Variants in RGS7 observed in about 807,000 individuals in gnomAD.
RGS7 encodes regulator of G protein signaling 7.
A neutral mutation model predicts 81.1 loss-of-function variants in RGS7; 27 were observed. The ratio of observed to expected loss-of-function variants is 0.33; its 90% confidence interval spans 0.25 to 0.46. The LOEUF (loss-of-function observed/expected upper bound fraction) is 0.46. Ranked by LOEUF, RGS7 falls within the 20% of genes least tolerant of loss-of-function variation. RGS7 has a pLI of 1.00. For synonymous variants in RGS7, 208 were observed against 207.7 expected (o/e 1.00, Z -0.01); for missense variants, 396 against 607.4 (o/e 0.65, Z 3.66).
rs185393375 is a variant in RGS7, at chr1:241,124,839, C to G, written c.79-26077G>C. ...TAGTGATAGGACACTGTAGGCGCTG[C>G]AGGTAGGCAGAGGCAAAAGCCAGCG... On this transcript the variant is annotated intron_variant, in intron 2 of 18. Transcript: ENST00000440928. Among the ~76,000 whole-genome samples the G allele has an allele frequency of 2.9e-3, 449 of 152,292 alleles. 6 individuals are homozygous for G. Among genetic ancestry groups the G allele is most frequent in the African/African-American group, 0.01 (429 of 41,566 alleles).
chr1:240,897,279 C>A (rs1669247054), intron 6 of RGS7, among the ~76,000 whole-genome samples: 1 of 152,290 alleles, frequency 6.6e-6, no homozygotes, highest in South Asian at 2.1e-4. Context: ...TTATTTCTTT[C>A]TCCTGCCTGA....
At chr1:240,793,611 A>ATATATATATATATATATATATATT in intron 18 of RGS7, among the ~76,000 whole-genome samples, 29 of 78,792 alleles carry the variant, frequency 3.7e-4, no homozygotes, top group Admixed American at 4.4e-4. Context: ...ATATATATAT[A>ATATATATATATATATATATATATT]TTTTTTTTTT....
At chr1:241,250,525 G>A (rs1306132980) in intron 2 of RGS7, among the ~76,000 whole-genome samples, 1 of 151,916 alleles carries the variant, frequency 6.6e-6, no homozygotes, top group East Asian at 1.9e-4. Context: ...TAAAATGTGA[G>A]AATAAATGTT....
chr1:241,055,837 C>T (rs946754339), intron 3 of RGS7, among the ~76,000 whole-genome samples: 8 of 152,190 alleles, frequency 5.3e-5, no homozygotes, highest in African/African-American at 1.9e-4. Context: ...CAGGAGCCCC[C>T]AGCCACCAGT....
rs1308799919 is a variant in RGS7, at chr1:240,930,778, GA to G, written c.334-11del. The G allele has an allele frequency of 1.2e-6, 2 of 1,613,644 alleles. No homozygotes were observed. Among genetic ancestry groups the G allele is most frequent in the South Asian group, 2.2e-5 (2 of 91,070 alleles). On this transcript the variant is annotated splice_polypyrimidine_tract_variant and intron_variant, in intron 5 of 18. Coordinates refer to ENST00000440928, the MANE Select transcript of RGS7 (RefSeq NM_001364886.1). ...GCCAAAAATAGGGGGTCTGCGGAAT[GA>G]AAAGAAGTGGAACCCAGATTAGACA... is the stretch of plus-strand genomic sequence containing the variant.
At chr1:241,052,183 T>C (rs1334290062) in intron 3 of RGS7, among the ~76,000 whole-genome samples, 1 of 152,118 alleles carries the variant, frequency 6.6e-6, no homozygotes, top group African/African-American at 2.4e-5. Flanking sequence ...AAAATGCCCA[T>C]GCCCTTCAGA....
chr1:240,951,613 A>C (rs374021251), intron 4 of RGS7, among the ~76,000 whole-genome samples: 90 of 152,302 alleles, frequency 5.9e-4, no homozygotes, highest in South Asian at 4.1e-3. Context: ...AAAAATAACA[A>C]GGAAAACAAA....
chr1:241,081,993 C>A (rs907754402), intron 3 of RGS7, among the ~76,000 whole-genome samples: 62 of 152,152 alleles, frequency 4.1e-4, no homozygotes, highest in African/African-American at 1.4e-3. Context: ...TCAATCAACA[C>A]AGTTGGTAGT....
At chr1:240,856,256 CCT>C (rs1558360958) in intron 9 of RGS7, among the ~76,000 whole-genome samples, 1 of 152,120 alleles carries the variant, frequency 6.6e-6, no homozygotes. Flanking sequence ...TCAACGTAAA[CCT>C]CTGTTTCAAA....
At chr1:241,071,387 A>G (rs2062431401) in intron 3 of RGS7, among the ~76,000 whole-genome samples, 1 of 152,212 alleles carries the variant, frequency 6.6e-6, no homozygotes, top group Admixed American at 6.5e-5. Context: ...AAAAAAATGT[A>G]GAATCTGGTT....
intron 9 of RGS7, among the ~76,000 whole-genome samples, chr1:240,827,663 G>A (rs896820238): frequency 1.8e-4 from 28 of 151,986 alleles, no homozygotes; most frequent in African/African-American, 5.8e-4. Flanking sequence ...AGGAGTTCGA[G>A]ACCAGCCTGA....
intron 3 of RGS7, among the ~76,000 whole-genome samples, chr1:241,082,351 GGAAAA>G (rs1348489208): frequency 6.6e-6 from 1 of 152,114 alleles, no homozygotes; most frequent in Non-Finnish European, 1.5e-5. Context: ...CAGCTATCTA[GGAAAA>G]GAAAACAGTC....
chr1:241,096,153 G>A (rs1474303117), intron 3 of RGS7, among the ~76,000 whole-genome samples: 3 of 152,134 alleles, frequency 2.0e-5, no homozygotes, highest in Admixed American at 6.6e-5. Flanking sequence ...CGGATTCCTT[G>A]TTTCATTAGA....
chr1:240,906,303 T>C (rs1234376282), intron 6 of RGS7, among the ~76,000 whole-genome samples: 1 of 152,094 alleles, frequency 6.6e-6, no homozygotes, highest in African/African-American at 2.4e-5. Flanking sequence ...GCACCAGCCT[T>C]TGAGCAGGAT....
downstream of RGS7, among the ~76,000 whole-genome samples, chr1:240,775,321 G>A (rs6700378): frequency 0.17 from 26,196 of 152,120 alleles, 3,033 homozygotes; most frequent in African/African-American, 0.33. Flanking sequence ...GGAGAAAAAG[G>A]ATTACTAAGT....
At chr1:240,853,595 A>G (rs1265202352) in intron 9 of RGS7, among the ~76,000 whole-genome samples, 1 of 152,102 alleles carries the variant, frequency 6.6e-6, no homozygotes, top group Non-Finnish European at 1.5e-5. Context: ...CATTCATTAC[A>G]TGTACTACCA....
intron 3 of RGS7, among the ~76,000 whole-genome samples, chr1:241,020,555 T>C (rs151260732): frequency 2.6e-5 from 4 of 152,306 alleles, no homozygotes; most frequent in African/African-American, 9.6e-5. Context: ...TAATTCCATC[T>C]GCAAAGATAG....
rs76679992 is a variant in RGS7, at chr1:241,268,332, A to G, written c.78+87367T>C. Among the ~76,000 whole-genome samples, 1,002 of 152,240 alleles carry G rather than the reference A, an allele frequency of 6.6e-3. 6 individuals carry two copies. Among genetic ancestry groups the G allele is most frequent in the Middle Eastern group, 0.024 (7 of 294 alleles). ...AACAGGGTTTCTCAACCTCGGCACT[A>G]TTGGCATCCTGGGCTCTAGCCCTGT... is the stretch of plus-strand genomic sequence containing the variant. On this transcript the variant is annotated intron_variant, in intron 2 of 18. Coordinates refer to ENST00000440928, the MANE Select transcript of RGS7 (RefSeq NM_001364886.1).
At chr1:240,932,620 T>G (rs1675674300) in intron 5 of RGS7, among the ~76,000 whole-genome samples, 1 of 148,474 alleles carries the variant, frequency 6.7e-6, no homozygotes, top group Non-Finnish European at 1.5e-5. Flanking sequence ...GCCATTCTCC[T>G]GCCTCAGCCT....
Sources: gnomAD v4.1 joint callset for allele counts (sites outside exome capture counted in the v4.1 genomes callset) on GRCh38, gnomAD v4.1.1 for gene constraint, MANE v1.5 for transcripts, NCBI Gene and HGNC (gene_info 2026-07-23, HGNC 2026-07-21) for gene names.